TMEM232: variants seen among roughly 807,000 people sequenced by gnomAD.
TMEM232 encodes transmembrane protein 232.
A neutral mutation model predicts 78.8 loss-of-function variants in TMEM232; 80 were observed. That is an observed-to-expected ratio of 1.01 (90% CI 0.85 to 1.22). The LOEUF (loss-of-function observed/expected upper bound fraction) is 1.22. TMEM232 is among the 50% of genes most tolerant of loss of function. The pLI, the probability that TMEM232 is intolerant of heterozygous loss-of-function variation, is 0.00. For synonymous variants in TMEM232, 297 were observed against 254.3 expected (o/e 1.17, Z -1.60); for missense variants, 881 against 742.2 (o/e 1.19, Z -2.17).
intron 11 of TMEM232, among the ~76,000 whole-genome samples, chr5:110,537,695 T>C (rs1332444221): frequency 6.6e-6 from 1 of 152,190 alleles, no homozygotes; most frequent in Non-Finnish European, 1.5e-5. Context: ...TAACTCTCCC[T>C]GCAGCCCTGT....
At chr5:110,497,708 T>A (rs753196262) in intron 12 of TMEM232, among the ~76,000 whole-genome samples, 66 of 152,126 alleles carry the variant, frequency 4.3e-4, no homozygotes, top group Non-Finnish European at 8.1e-4. Flanking sequence ...AACTTTCTGA[T>A]GTTTCCCCCA....
chr5:110,540,260 C>T (rs1458171551), intron 11 of TMEM232, among the ~76,000 whole-genome samples: 2 of 152,120 alleles, frequency 1.3e-5, no homozygotes, highest in Non-Finnish European at 2.9e-5. Flanking sequence ...CTCGGGATGG[C>T]CAAGTTTCCC....
intron 1 of TMEM232, among the ~76,000 whole-genome samples, chr5:110,678,363 C>T (rs1001869948): frequency 8.5e-5 from 13 of 152,088 alleles, no homozygotes; most frequent in Non-Finnish European, 1.6e-4. Flanking sequence ...CCATGCCTAG[C>T]CTGACTTTAC....
chr5:110,552,339 G>C (rs1411741959), intron 11 of TMEM232, among the ~76,000 whole-genome samples: 1 of 151,822 alleles, frequency 6.6e-6, no homozygotes, highest in African/African-American at 2.4e-5. Context: ...AGAAAATAAG[G>C]CTTTCTGAAA....
At chr5:110,605,782 T>C (rs1012063208) in intron 9 of TMEM232, among the ~76,000 whole-genome samples, 4 of 152,080 alleles carry the variant, frequency 2.6e-5, no homozygotes, top group African/African-American at 7.2e-5. Context: ...AACTTCACAG[T>C]CTTTCACTTG....
Position 110,610,490 on chromosome 5 carries a change from G to A in TMEM232, c.903-4203C>T, listed in dbSNP as rs893804372. Reference sequence around the variant, plus strand: ...TGGGAACACATATGAACTATGAGTAGTCAATACAAGACCTTGAAAAAATGT... The same window carrying A: ...TGGGAACACATATGAACTATGAGTAATCAATACAAGACCTTGAAAAAATGT... On this transcript the variant is annotated intron_variant, in intron 8 of 13. Transcript: ENST00000455884. 6.7e-6 allele frequency: 3 copies of A among 450,490 alleles called. No homozygotes were observed. In the Admixed American group the frequency reaches 7.3e-5, roughly 11 times the overall value. The allele number at this position is 450,490 out of a possible 1,614,324, so 27.9% of individuals were successfully genotyped here.
intron 10 of TMEM232, among the ~76,000 whole-genome samples, chr5:110,572,634 T>C (rs1371229885): frequency 2.0e-5 from 3 of 152,074 alleles, no homozygotes; most frequent in Non-Finnish European, 4.4e-5. Context: ...AGATCAATGA[T>C]AAACCATAAA....
chr5:110,693,885 A>G (rs916282958), intron 1 of TMEM232, among the ~76,000 whole-genome samples: 10 of 152,200 alleles, frequency 6.6e-5, no homozygotes, highest in African/African-American at 2.4e-4. Flanking sequence ...ACTCTGTAGG[A>G]TATTATCCAG....
intron 2 of TMEM232, among the ~76,000 whole-genome samples, chr5:110,646,874 G>A (rs10054874): frequency 0.028 from 4,207 of 151,156 alleles, 194 homozygotes; most frequent in African/African-American, 0.096. Context: ...AATGTACAGA[G>A]GACCTGAATC....
At chr5:110,397,351 A>G (rs1330275176) in intron 3 of TMEM232, among the ~76,000 whole-genome samples, 2 of 152,204 alleles carry the variant, frequency 1.3e-5, no homozygotes, top group African/African-American at 4.8e-5. Flanking sequence ...TAATAACTAG[A>G]GGGATTTAAT....
chr5:110,566,588 C>T (rs1776368008), intron 11 of TMEM232, among the ~76,000 whole-genome samples: 1 of 151,932 alleles, frequency 6.6e-6, no homozygotes, highest in African/African-American at 2.4e-5. Context: ...ACCTTTACTC[C>T]AGTTCCCAAC....
At chr5:110,483,848 AC>A in intron 12 of TMEM232, among the ~76,000 whole-genome samples, 1 of 152,298 alleles carries the variant, frequency 6.6e-6, no homozygotes, top group Admixed American at 6.5e-5. Context: ...TACCAAAAAG[AC>A]ACATGCACTT....
intron 11 of TMEM232, among the ~76,000 whole-genome samples, chr5:110,555,432 T>A (rs1473351682): frequency 6.6e-6 from 1 of 152,216 alleles, no homozygotes; most frequent in Non-Finnish European, 1.5e-5. Context: ...GCATCTTGTC[T>A]ATTTTAGAAT....
intron 5 of TMEM232, among the ~76,000 whole-genome samples, chr5:110,631,945 C>T (rs367697063): frequency 1.3e-5 from 2 of 151,706 alleles, no homozygotes; most frequent in Admixed American, 6.6e-5. Flanking sequence ...AGAATTGGCC[C>T]GCCTGGTCCT....
At chr5:110,497,786 T>C (rs1276887088) in intron 12 of TMEM232, among the ~76,000 whole-genome samples, 2 of 152,118 alleles carry the variant, frequency 1.3e-5, no homozygotes, top group Non-Finnish European at 2.9e-5. Context: ...TATGTAACCC[T>C]TGGATATGGG....
At chr5:110,641,074 G>A (rs1326424188) in intron 3 of TMEM232, 78 bp from the exon 4 acceptor site, 2 of 886,266 alleles carry the variant, frequency 2.3e-6, no homozygotes, top group Admixed American at 3.9e-5. Flanking sequence ...ACTCTTAATT[G>A]TGCTCCAAAA....
chr5:110,577,495 A>G (rs189616375), intron 10 of TMEM232, among the ~76,000 whole-genome samples: 24 of 152,260 alleles, frequency 1.6e-4, no homozygotes, highest in Non-Finnish European at 3.1e-4. Context: ...CAGAAATACC[A>G]TTCTACCCAG....
At chr5:110,484,408 CAA>C (rs1173101173) in intron 12 of TMEM232, among the ~76,000 whole-genome samples, 2 of 151,520 alleles carry the variant, frequency 1.3e-5, no homozygotes, top group Non-Finnish European at 2.9e-5. Flanking sequence ...GGCAGCAATA[CAA>C]AGAGGAACAA....
chr5:110,515,727 C>T (rs1768522570), intron 12 of TMEM232, among the ~76,000 whole-genome samples: 1 of 152,144 alleles, frequency 6.6e-6, no homozygotes, highest in African/African-American at 2.4e-5. Context: ...ATCTTTGCAC[C>T]ATTCAGTAAA....
Sources: allele counts gnomAD v4.1 joint callset (sites outside exome capture counted in the v4.1 genomes callset), GRCh38; gene constraint gnomAD v4.1.1; transcripts MANE v1.5; gene names NCBI Gene and HGNC (gene_info 2026-07-23, HGNC 2026-07-21).